Variants in RECQL5 observed in about 807,000 individuals in gnomAD.
The protein encoded by RECQL5 is ATP-dependent DNA helicase Q5.
A neutral mutation model predicts 103.4 loss-of-function variants in RECQL5; 88 were observed. That is an observed-to-expected ratio of 0.85 (90% CI 0.72 to 1.02). The LOEUF (loss-of-function observed/expected upper bound fraction) is 1.02, where lower values mean the gene tolerates loss of function less well. Ranked by LOEUF, RECQL5 falls within the 50% of genes least tolerant of loss-of-function variation. The probability of loss-of-function intolerance (pLI) is 0.00; values close to 1 mark genes in which losing one functional copy is unlikely to be tolerated. For synonymous variants in RECQL5, 552 were observed against 507.9 expected (o/e 1.09, Z -1.17); for missense variants, 1,232 against 1,284.3 (o/e 0.96, Z 0.62).
chr17:75,630,078 G>A, intron 14 of RECQL5, 106 bp downstream of exon 14: 2 of 1,036,752 alleles, frequency 1.9e-6, no homozygotes, highest in East Asian at 2.6e-5. Context: ...GGGCTGGGGA[G>A]GGTGAGTTCT....
Position 75,640,396 on chromosome 17 carries a change from G to T in RECQL5, c.1230-8728C>A. The T allele has an allele frequency of 6.8e-7, 1 of 1,462,328 alleles. No individual in the cohort carries two copies. The highest frequency in any genetic ancestry group is 9.1e-7 in the Non-Finnish European group (1 of 1,103,126). 90.6% of individuals were successfully genotyped at this position (1,462,328 alleles called of 1,614,324 possible). ...TGGGAGAGACCACACCATGGTGCCA[G>T]CCAGAGGGCTGGCAGAGGTGGCGGG... On this transcript the variant is annotated intron_variant, in intron 8 of 19. Coordinates refer to ENST00000317905, the MANE Select transcript of RECQL5 (RefSeq NM_004259.7). This position sits in a 1 kb window ranked among gnomAD's most constrained non-coding sequence, Gnocchi z 4.6.
At chr17:75,635,858 C>G in intron 8 of RECQL5, 1 of 985,490 alleles carries the variant, frequency 1.0e-6, no homozygotes, top group Non-Finnish European at 1.2e-6. Flanking sequence ...TCGTGAGGCG[C>G]CTGGGGTTGG....
rs1175519646 is a variant in RECQL5 at position 75,662,740 on chromosome 17, A to G, written c.510T>C (p.Arg170=). 6.2e-7 allele frequency: 1 copy of G among 1,614,072 alleles called. No individual in the cohort carries two copies. The highest frequency in any genetic ancestry group is 8.5e-7 in the Non-Finnish European group (1 of 1,180,046). ...GGGCACCCAGACGCAAGTAGTCAGG[A>G]CGAAAGTCATGCCCCCATTGGGAAA... ...HCVSQWGHDF[R]PDYLRLGALR... The change falls in exon 4 of 20, where the codon CGT becomes CGC. Residue 170 remains arginine (R), a synonymous_variant. Coordinates refer to ENST00000317905, the MANE Select transcript of RECQL5 (RefSeq NM_004259.7).
chr17:75,653,924 AAAAC>A (rs1353614982), intron 7 of RECQL5, among the ~76,000 whole-genome samples: 6 of 151,998 alleles, frequency 3.9e-5, no homozygotes, highest in African/African-American at 1.4e-4. Context: ...AAACAAAAAA[AAAAC>A]CCCAAAAAAA....
At position 75,658,362 on chromosome 17, in the gene RECQL5, T is replaced by G. The variant is rs768705080; in HGVS notation, c.1085A>C (p.Tyr362Ser). ...TTGGTCCCGGTCATTCCTGGAGTAATAGAGACGGCACCAGGAAGGCTTCCC... is the reference window on the plus strand; with the variant it reads ...TTGGTCCCGGTCATTCCTGGAGTAAGAGAGACGGCACCAGGAAGGCTTCCC... Reference protein sequence around the residue: ...RDGKPSWCRLYYSRNDRDQVS... With the variant: ...RDGKPSWCRLSYSRNDRDQVS... The change falls in exon 7 of 20, where the codon TAT (tyrosine) becomes TCT (serine). Residue 362 changes from tyrosine (Y) to serine (S), a missense_variant. By Grantham distance (144) the Tyr-to-Ser change is moderately radical. Transcript: ENST00000317905. 6.2e-7 allele frequency: 1 copy of G among 1,613,968 alleles called. No individual in the cohort carries two copies. Among genetic ancestry groups the G allele is most frequent in the Non-Finnish European group, 8.5e-7 (1 of 1,179,958 alleles).
At chr17:75,657,239 G>A (rs1739548422) in intron 7 of RECQL5, among the ~76,000 whole-genome samples, 1 of 152,130 alleles carries the variant, frequency 6.6e-6, no homozygotes, top group Admixed American at 6.5e-5. Flanking sequence ...GGAAGATTAA[G>A]CCAGGTGCAG....
In RECQL5 at chr17:75,626,955, C is replaced by T. The variant is rs923786769; in HGVS notation, c.*467G>A. On this transcript the variant is annotated 3_prime_UTR_variant, in exon 20 of 20. Transcript: ENST00000317905. ...AGCAGGAGCTGAGCAGGAACAGGGC[C>T]TGGCTGCCTCTCCTCTGCCACAGCT... 2.8e-6 allele frequency: 1 copy of T among 357,158 alleles called. No individual in the cohort carries two copies. Among genetic ancestry groups the T allele is most frequent in the Non-Finnish European group, 5.5e-6 (1 of 182,696 alleles). 22.1% of individuals were successfully genotyped at this position (357,158 alleles called of 1,614,324 possible).
chr17:75,627,282 G>T lies in RECQL5; in HGVS notation c.*140C>A. The T allele has an allele frequency of 1.4e-6, 1 of 739,836 alleles. No individual in the cohort carries two copies. The highest frequency in any genetic ancestry group is 2.4e-6 in the Non-Finnish European group (1 of 417,236). The allele number at this position is 739,836 out of a possible 1,614,324, so 45.8% of individuals were successfully genotyped here. On this transcript the variant is annotated 3_prime_UTR_variant, in exon 20 of 20. Transcript: ENST00000317905. ...CTGACCTGGATTCAGGGGGTGTCTG[G>T]GGTCATCCCCAAAGCCAAGTATGGT... is the stretch of plus-strand genomic sequence containing the variant.
Position 75,627,483 on chromosome 17 carries a change from TG to T in RECQL5, c.2914del (p.His972MetfsTer72). ...TTCGCTCTCGCACCGGGCCCGGCCA[TG>T]GAAGAAGTGCCTGATGAGGTTCTGG... ...EAQNLIRHFF[H>X]GRARCESEAD... On this transcript the variant is annotated frameshift_variant, in exon 20 of 20. Coordinates refer to ENST00000317905, the MANE Select transcript of RECQL5 (RefSeq NM_004259.7). LOFTEE classifies it high-confidence loss of function. The T allele has an allele frequency of 1.9e-6, 3 of 1,613,846 alleles. No homozygotes were observed. Among genetic ancestry groups the T allele is most frequent in the Non-Finnish European group, 2.5e-6 (3 of 1,180,016 alleles).
intron 4 of RECQL5, 132 bp from the exon 5 acceptor site, chr17:75,661,840 AC>A: frequency 1.6e-6 from 1 of 631,670 alleles, no homozygotes; most frequent in Non-Finnish European, 2.8e-6. Context: ...GAGGCAGGAC[AC>A]CCAGTGAGGC....
At chr17:75,627,796 G>C (rs1439889960) in intron 18 of RECQL5, 104 bp from the exon 19 acceptor site, 1 of 971,500 alleles carries the variant, frequency 1.0e-6, no homozygotes, top group Non-Finnish European at 1.6e-6. Flanking sequence ...GAGGCGGGCG[G>C]ATCATGAGGT....
At chr17:75,627,722 G>A in intron 18 of RECQL5, 30 bp from the exon 19 acceptor site, 1 of 1,576,268 alleles carries the variant, frequency 6.3e-7, no homozygotes, top group Non-Finnish European at 8.6e-7. Flanking sequence ...GAGAAGCAGA[G>A]AGCAGGACCC....
rs758735210 is a variant in RECQL5, at chr17:75,631,671, G to A, written c.1230-3C>T. The A allele has an allele frequency of 8.1e-6, 13 of 1,610,248 alleles. No homozygotes were observed. Among genetic ancestry groups the A allele is most frequent in the Non-Finnish European group, 1.1e-5 (13 of 1,179,484 alleles). On this transcript the variant is annotated splice_polypyrimidine_tract_variant and splice_region_variant and intron_variant, in intron 8 of 19. Transcript: ENST00000317905. Reference sequence around the variant, plus strand: ...TGGCAATGGCGGCATGGCGGCACCTGGAGCAGGCAGCACCGCAGAGGTGAG... The same window carrying A: ...TGGCAATGGCGGCATGGCGGCACCTAGAGCAGGCAGCACCGCAGAGGTGAG...
intron 8 of RECQL5, 76 bp from the exon 9 acceptor site, chr17:75,631,744 G>C (rs1006472886): frequency 2.7e-6 from 4 of 1,463,982 alleles, no homozygotes; most frequent in Non-Finnish European, 3.7e-6. Context: ...AGCCTGAATC[G>C]CTAGCTGAGC....
rs921823610 is a variant in RECQL5 at position 75,666,971 on chromosome 17, G to A, written c.-15+73C>T. ...CCCGGGACCCCGAACCCCTTCTCCCGTCTTCCTGAGCCCAAGATCCGCAAT... is the reference window on the plus strand; with the variant it reads ...CCCGGGACCCCGAACCCCTTCTCCCATCTTCCTGAGCCCAAGATCCGCAAT... On this transcript the variant is annotated intron_variant, in intron 1 of 19. Coordinates refer to ENST00000317905, the MANE Select transcript of RECQL5 (RefSeq NM_004259.7). 3.6e-5 allele frequency: 9 copies of A among 252,074 alleles called. No homozygotes were observed. In the South Asian group the frequency reaches 4.1e-4, roughly 12 times the overall value. The allele number at this position is 252,074 out of a possible 1,614,324, so 15.6% of individuals were successfully genotyped here.
chr17:75,656,108 CTT>C (rs1411284090), intron 7 of RECQL5, among the ~76,000 whole-genome samples: 1 of 152,046 alleles, frequency 6.6e-6, no homozygotes, highest in Non-Finnish European at 1.5e-5. Flanking sequence ...GACTTTCACT[CTT>C]GTTGCCCAGG....
In RECQL5 at chr17:75,666,479, C is replaced by CCTTT. The variant is rs1242145546; in HGVS notation, c.78_79insAAAG (p.Asp27LysfsTer5). ...TCCTGTAAAGGCGTCTTAAAAGAGT[C>CCTTT]AAACCCAAAGACCTTCTTCAGCGTA... is the stretch of plus-strand genomic sequence containing the variant. On this transcript the variant is annotated frameshift_variant, in exon 2 of 20. Coordinates refer to ENST00000317905, the MANE Select transcript of RECQL5 (RefSeq NM_004259.7). LOFTEE classifies it high-confidence loss of function. The CCTTT allele has an allele frequency of 3.1e-6, 5 of 1,614,022 alleles. No homozygotes were observed. Among genetic ancestry groups the CCTTT allele is most frequent in the Non-Finnish European group, 3.4e-6 (4 of 1,180,042 alleles).
chr17:75,635,813 C>CA, intron 8 of RECQL5: 1 of 985,482 alleles, frequency 1.0e-6, no homozygotes, highest in Non-Finnish European at 1.2e-6. Flanking sequence ...CCTCGCTTAT[C>CA]AGTCTCAAAC....
chr17:75,663,013 G>A lies in RECQL5; in HGVS notation c.253-16C>T. On this transcript the variant is annotated splice_polypyrimidine_tract_variant and intron_variant, in intron 3 of 19. Coordinates refer to ENST00000317905, the MANE Select transcript of RECQL5 (RefSeq NM_004259.7). ...CCACTTGGTCCTAAGAGAAGAGAAA[G>A]AGGCTGTAACTGGCCCTCAGGACTC... 1 of 1,569,950 alleles carries A rather than the reference G, an allele frequency of 6.4e-7. No homozygotes were observed. Among genetic ancestry groups the A allele is most frequent in the Non-Finnish European group, 8.6e-7 (1 of 1,158,388 alleles).
Sources: gnomAD v4.1 joint callset for allele counts (sites outside exome capture counted in the v4.1 genomes callset) on GRCh38, gnomAD v4.1.1 for gene constraint, Gnocchi (gnomAD v3.1) non-coding constraint, MANE v1.5 for transcripts, NCBI Gene and HGNC (gene_info 2026-07-23, HGNC 2026-07-21) for gene names.